MICU1: variants seen among roughly 807,000 people sequenced by gnomAD.
MICU1 encodes mitochondrial calcium uptake 1.
Under a neutral mutation model 56.8 loss-of-function variants are expected in MICU1, and 45 were observed. That is an observed-to-expected ratio of 0.79 (90% CI 0.62 to 1.02). The LOEUF (loss-of-function observed/expected upper bound fraction) is 1.02. Ranked by LOEUF, MICU1 falls within the 50% of genes least tolerant of loss-of-function variation. MICU1 has a pLI of 0.00. For missense variants in MICU1, 504 were observed against 587.1 expected (o/e 0.86, Z 1.46); for synonymous variants, 186 against 195.1 (o/e 0.95, Z 0.39).
chr10:72,405,426 G>A (rs1170120161), intron 10 of MICU1, among the ~76,000 whole-genome samples: 2 of 151,892 alleles, frequency 1.3e-5, no homozygotes, highest in African/African-American at 2.4e-5. Context: ...TCACCATGTT[G>A]GCCAGCCTGG....
intron 5 of MICU1, among the ~76,000 whole-genome samples, chr10:72,521,104 T>G (rs1867806530): frequency 6.6e-6 from 1 of 152,114 alleles, no homozygotes; most frequent in Non-Finnish European, 1.5e-5. Context: ...TATCACTTAA[T>G]GTAAAAACAA....
intron 7 of MICU1, 135 bp from the exon 8 acceptor site, chr10:72,475,432 C>A (rs965640183): frequency 3.9e-6 from 3 of 761,914 alleles, no homozygotes; most frequent in Non-Finnish European, 1.9e-6. Flanking sequence ...ATGCTTACAA[C>A]AATTTTTTTT....
chr10:72,398,809 CA>C (rs1268303195), intron 10 of MICU1, among the ~76,000 whole-genome samples: 1 of 151,974 alleles, frequency 6.6e-6, no homozygotes, highest in African/African-American at 2.4e-5. Flanking sequence ...AATAGCCTAC[CA>C]ACCAAAAAAA....
intron 8 of MICU1, among the ~76,000 whole-genome samples, chr10:72,433,104 A>ATTTT: frequency 6.6e-6 from 1 of 151,020 alleles, no homozygotes; most frequent in Non-Finnish European, 1.5e-5. Flanking sequence ...TGCCCAGCTA[A>ATTTT]TGTTTTGTAT....
chr10:72,551,308 A>G lies in MICU1; in HGVS notation c.364T>C (p.Ser122Pro). 1 of 1,612,752 alleles carries G rather than the reference A, an allele frequency of 6.2e-7. No individual in the cohort carries two copies. The highest frequency in any genetic ancestry group is 8.5e-7 in the Non-Finnish European group (1 of 1,179,396). The change falls in exon 4 of 12, where the codon TCC (serine) becomes CCC (proline). Residue 122 changes from serine to proline, a missense_variant. Ser to Pro is a moderately conservative substitution (Grantham distance 74). Coordinates refer to ENST00000361114, the MANE Select transcript of MICU1 (RefSeq NM_001195518.2). ...MEYENRIRAY[S>P]TPDKIFRYFA... ...TATCGGAAGATTTTGTCTGGCGTGGAGTAGGCTCGAATCCTATTCTCATAT... is the reference window on the plus strand; with the variant it reads ...TATCGGAAGATTTTGTCTGGCGTGGGGTAGGCTCGAATCCTATTCTCATAT...
intron 8 of MICU1, among the ~76,000 whole-genome samples, chr10:72,449,241 T>A (rs1314876555): frequency 6.6e-6 from 1 of 152,014 alleles, no homozygotes; most frequent in African/African-American, 2.4e-5. Context: ...CTACCAAAAA[T>A]ACAAAAATTA....
At position 72,513,804 on chromosome 10, in the gene MICU1, T is replaced by C. The variant is rs139245850; in HGVS notation, c.538-5535A>G. ...CCTTATACCATTTGTTGAAATGGTA[T>C]GACCTTTTACCACTGTCTTACATGC... On this transcript the variant is annotated intron_variant, in intron 5 of 11. Transcript: ENST00000361114. Among the ~76,000 whole-genome samples, 418 of 152,284 alleles carry C rather than the reference T, an allele frequency of 2.7e-3. 1 individual carries two copies. Among genetic ancestry groups the C allele is most frequent in the African/African-American group, 9.6e-3 (399 of 41,558 alleles).
chr10:72,557,166 C>T (rs1028550552), intron 3 of MICU1, among the ~76,000 whole-genome samples: 1 of 152,110 alleles, frequency 6.6e-6, no homozygotes, highest in Admixed American at 6.5e-5. Context: ...ATTACAAATA[C>T]ACCTCAAAAT....
At chr10:72,623,300 C>CAAAAAAAAAAAAAAAAAAA (rs1164753291) in intron 1 of MICU1, among the ~76,000 whole-genome samples, 16 of 55,870 alleles carry the variant, frequency 2.9e-4, no homozygotes, top group Non-Finnish European at 4.1e-4. Context: ...GACTCCGTCT[C>CAAAAAAAAAAAAAAAAAAA]AAAAAAAAAA....
At chr10:72,448,039 A>T (rs1054014419) in intron 8 of MICU1, among the ~76,000 whole-genome samples, 1 of 151,128 alleles carries the variant, frequency 6.6e-6, no homozygotes, top group African/African-American at 2.4e-5. Context: ...CTTATCATCC[A>T]TTTTAATTCT....
At chr10:72,608,471 C>T (rs1263990538) in intron 1 of MICU1, among the ~76,000 whole-genome samples, 1 of 152,068 alleles carries the variant, frequency 6.6e-6, no homozygotes, top group Non-Finnish European at 1.5e-5. Flanking sequence ...TACAAATGGC[C>T]AATAAGCACA....
intron 10 of MICU1, among the ~76,000 whole-genome samples, chr10:72,382,195 C>T (rs577818614): frequency 2.9e-4 from 44 of 151,586 alleles, no homozygotes; most frequent in Middle Eastern, 3.4e-3. Flanking sequence ...ATTGCAACCT[C>T]GCCTCCCGGG....
At chr10:72,585,151 A>G (rs958934890) in intron 1 of MICU1, among the ~76,000 whole-genome samples, 80 of 149,114 alleles carry the variant, frequency 5.4e-4, no homozygotes, top group Admixed American at 1.3e-3. Flanking sequence ...GCAGTGGTGC[A>G]ATCTTCACTC....
At chr10:72,479,695 T>G (rs1866231380) in intron 6 of MICU1, among the ~76,000 whole-genome samples, 1 of 152,106 alleles carries the variant, frequency 6.6e-6, no homozygotes, top group Non-Finnish European at 1.5e-5. Flanking sequence ...CTGGATAATT[T>G]TTCTATGTTT....
intron 3 of MICU1, chr10:72,560,599 G>A (rs1047933666): frequency 6.6e-6 from 1 of 152,212 alleles, no homozygotes; most frequent in Non-Finnish European, 1.5e-5. Context: ...GCCAGGCACA[G>A]TGGCTCATGC....
At chr10:72,536,987 G>A (rs1839654043) in intron 4 of MICU1, among the ~76,000 whole-genome samples, 1 of 152,054 alleles carries the variant, frequency 6.6e-6, no homozygotes. Context: ...TTACTTCTGT[G>A]ACATGAACTG....
At chr10:72,575,778 T>A (rs1306323113) in intron 1 of MICU1, among the ~76,000 whole-genome samples, 1 of 152,170 alleles carries the variant, frequency 6.6e-6, no homozygotes, top group African/African-American at 2.4e-5. Context: ...CATTTCCCCG[T>A]CTCTCTCCCT....
intron 1 of MICU1, among the ~76,000 whole-genome samples, chr10:72,578,917 A>G (rs1051858380): frequency 6.6e-6 from 1 of 152,076 alleles, no homozygotes; most frequent in African/African-American, 2.4e-5. Flanking sequence ...TTTTTTAGAT[A>G]TAATGTTACT....
intron 10 of MICU1, among the ~76,000 whole-genome samples, chr10:72,406,585 A>G (rs1863637383): frequency 6.6e-6 from 1 of 151,530 alleles, no homozygotes; most frequent in Admixed American, 6.6e-5. Flanking sequence ...CAGGACTTTC[A>G]TATATGTTCA....
Sources: gnomAD v4.1 joint callset for allele counts (sites outside exome capture counted in the v4.1 genomes callset) on GRCh38, gnomAD v4.1.1 for gene constraint, MANE v1.5 for transcripts, NCBI Gene and HGNC (gene_info 2026-07-23, HGNC 2026-07-21) for gene names.